Variants in JPH2 observed in about 807,000 individuals in gnomAD.
The protein encoded by JPH2 is junctophilin-2.
JPH2 carries 38 observed loss-of-function variants against 55.9 expected under a neutral mutation model. The ratio of observed to expected loss-of-function variants is 0.68; its 90% CI spans 0.52 to 0.89. JPH2 has a LOEUF of 0.89. Among genes scored for constraint, JPH2 ranks in the 40% least tolerant of loss-of-function variants. The pLI, the probability that JPH2 is intolerant of heterozygous loss-of-function variation, is 0.00. For missense variants in JPH2, 964 were observed against 1,037.6 expected, an observed-to-expected ratio of 0.93 and a Z score of 0.97; for synonymous variants, 480 against 472.4, an observed-to-expected ratio of 1.02 and a Z score of -0.21.
intron 2 of JPH2, among the ~76,000 whole-genome samples, chr20:44,156,617 A>G (rs1422763916): frequency 6.6e-6 from 1 of 152,160 alleles, no homozygotes; most frequent in Non-Finnish European, 1.5e-5. Context: ...GAGGGGAGGA[A>G]GGTTGGATCC....
chr20:44,186,326 C>T lies in JPH2; in HGVS notation c.379+1G>A. On this transcript the variant is annotated splice_donor_variant, in intron 1 of 5. Coordinates refer to ENST00000372980, the MANE Select transcript of JPH2 (RefSeq NM_020433.5). LOFTEE classifies it high-confidence loss of function. ...CTCTGCGGGCCCCCAGCTGGCCTCA[C>T]CTCCATCAGCATAGGTCTCGGTGCC... 6.2e-7 allele frequency: 1 copy of T among 1,610,868 alleles called. No individual in the cohort carries two copies. The highest frequency in any genetic ancestry group is 8.5e-7 in the Non-Finnish European group (1 of 1,179,908).
intron 1 of JPH2, among the ~76,000 whole-genome samples, chr20:44,182,328 A>T (rs1319939125): frequency 6.6e-6 from 1 of 152,096 alleles, no homozygotes; most frequent in African/African-American, 2.4e-5. Context: ...AATTTTGGAG[A>T]GTTACACCTC....
At chr20:44,167,334 A>T (rs1014754) in intron 1 of JPH2, among the ~76,000 whole-genome samples, 69,567 of 152,022 alleles carry the variant, frequency 0.46, 16,161 homozygotes, top group African/African-American at 0.51. Context: ...CATCTAGCAC[A>T]GTTCCCAGGC....
rs587780956 is a variant in JPH2 at position 44,160,145 on chromosome 20, C to T, written c.642G>A (p.Ala214=). The part of the protein sequence containing the change: ...LLANAEAAAR[A]PKGGGLFQRG... ...GCTGGAAGAGGCCGCCGCCCTTGGGCGCCCGCGCGGCCGCCTCGGCATTGG... is the reference window on the plus strand; with the variant it reads ...GCTGGAAGAGGCCGCCGCCCTTGGGTGCCCGCGCGGCCGCCTCGGCATTGG... The change falls in exon 2 of 6, where the codon GCG becomes GCA. Residue 214 remains alanine (A), a synonymous_variant. Transcript: ENST00000372980. This position sits in a 1 kb window ranked among gnomAD's most constrained non-coding sequence, Gnocchi z 4.9. The T allele has an allele frequency of 2.3e-4, 334 of 1,439,436 alleles. 2 individuals are homozygous for T. The African/African-American group carries it at 4.5e-3, about 19-fold the overall frequency. The allele number at this position is 1,439,436 out of a possible 1,614,324, so 89.2% of individuals were successfully genotyped here. A position where few individuals can be genotyped will look rare whatever the true frequency, so the allele number is the denominator to read the frequency against.
In JPH2 at chr20:44,115,971, G is replaced by C; in HGVS notation, c.1704C>G (p.Ser568Arg). The change falls in exon 4 of 6, where the codon AGC becomes AGG. Residue 568 changes from serine to arginine, a missense_variant. Transcript: ENST00000372980. ...PEVALYQGYH[S>R]YAVRTTPPEP... Reference sequence around the variant, plus strand: ...CGGGCGGCGTGGTGCGCACAGCATAGCTGTGGTAGCCCTGGTAAAGCGCCA... The same window carrying C: ...CGGGCGGCGTGGTGCGCACAGCATACCTGTGGTAGCCCTGGTAAAGCGCCA... 1 of 1,576,722 alleles carries C rather than the reference G, an allele frequency of 6.3e-7. No homozygotes were observed. The highest frequency in any genetic ancestry group is 1.3e-5 in the African/African-American group (1 of 74,516).
intron 1 of JPH2, among the ~76,000 whole-genome samples, chr20:44,161,714 G>A (rs1022768205): frequency 3.4e-4 from 52 of 152,086 alleles, no homozygotes; most frequent in Admixed American, 2.9e-3. Flanking sequence ...TGTATGACAA[G>A]CTGATACACA....
chr20:44,182,507 G>A (rs774844652), intron 1 of JPH2, among the ~76,000 whole-genome samples: 1 of 152,154 alleles, frequency 6.6e-6, no homozygotes, highest in Admixed American at 6.5e-5. Flanking sequence ...GACCTGCAAA[G>A]CCTGTGTGAT....
In JPH2 at chr20:44,108,601, C is replaced by G. The variant is rs1488399871; in HGVS notation, c.*4917G>C. Among the ~76,000 whole-genome samples the G allele has an allele frequency of 6.7e-6, 1 of 148,684 alleles. No homozygotes were observed. Among genetic ancestry groups the G allele is most frequent in the Non-Finnish European group, 1.5e-5 (1 of 67,622 alleles). On this transcript the variant is annotated 3_prime_UTR_variant, in exon 6 of 6. Coordinates refer to ENST00000372980, the MANE Select transcript of JPH2 (RefSeq NM_020433.5). ...AGAAGTGACTGTATACCATTGCACT[C>G]CAGCCTGGGTGACAGAATGAGACTC...
chr20:44,154,638 C>T (rs1337021060), intron 2 of JPH2, among the ~76,000 whole-genome samples: 1 of 152,164 alleles, frequency 6.6e-6, no homozygotes, highest in Non-Finnish European at 1.5e-5. Flanking sequence ...AGCTGGAAGC[C>T]ACAATGGAGA....
At position 44,107,757 on chromosome 20, in the gene JPH2, C is replaced by A. The variant is rs6130528; in HGVS notation, c.*5761G>T. On this transcript the variant is annotated 3_prime_UTR_variant, in exon 6 of 6. Transcript: ENST00000372980. ...CAGATAGCCCCTCTCTTAAGGAACT[C>A]AGTCTAGTGGAGAAGCTGTGGATAG... 8.8e-3 allele frequency among the ~76,000 whole-genome samples: 1,337 copies of A among 152,298 alleles called. 50 individuals are homozygous for A. In the East Asian group the frequency reaches 0.12, roughly 14 times the overall value.
chr20:44,129,334 C>A (rs1300938795), intron 2 of JPH2, among the ~76,000 whole-genome samples: 2 of 152,108 alleles, frequency 1.3e-5, no homozygotes, highest in Non-Finnish European at 1.5e-5. Flanking sequence ...GCAGGTGGAT[C>A]ACTTGAGGTC....
intron 2 of JPH2, among the ~76,000 whole-genome samples, chr20:44,128,864 T>C (rs2072295416): frequency 6.6e-6 from 1 of 152,146 alleles, no homozygotes; most frequent in Non-Finnish European, 1.5e-5. Flanking sequence ...CATGGTAGTG[T>C]ATTCCAAGTT....
At position 44,122,885 on chromosome 20, in the gene JPH2, A is replaced by T. The variant is rs144031551; in HGVS notation, c.1170-4262T>A. Among the ~76,000 whole-genome samples the T allele has an allele frequency of 5.3e-4, 80 of 152,338 alleles. 1 individual carries two copies. Among genetic ancestry groups the T allele is most frequent in the African/African-American group, 1.9e-3 (77 of 41,578 alleles). On this transcript the variant is annotated intron_variant, in intron 2 of 5. Transcript: ENST00000372980. ...ACTTTTTAGAGCCACTTCTCTGGGC[A>T]CATGAAACCCCAGGAGGGAGGAGGA...
chr20:44,126,799 C>A (rs6130538), intron 2 of JPH2, among the ~76,000 whole-genome samples: 48,743 of 152,090 alleles, frequency 0.32, 7,902 homozygotes, highest in East Asian at 0.46. Context: ...GCAGTGCCCT[C>A]CTGGGAAGCC....
chr20:44,161,040 C>T (rs1382225037), intron 1 of JPH2, among the ~76,000 whole-genome samples: 3 of 152,146 alleles, frequency 2.0e-5, no homozygotes, highest in Admixed American at 2.0e-4. Flanking sequence ...TGTGCCACTG[C>T]ACTCCAGCCT....
intron 2 of JPH2, among the ~76,000 whole-genome samples, chr20:44,131,457 C>CTTT (rs1569190285): frequency 6.6e-6 from 1 of 152,102 alleles, no homozygotes; most frequent in African/African-American, 2.4e-5. Flanking sequence ...AGACAACAAA[C>CTTT]GTGTGTTGTT....
chr20:44,127,426 A>T (rs567731827), intron 2 of JPH2, among the ~76,000 whole-genome samples: 5 of 151,476 alleles, frequency 3.3e-5, no homozygotes, highest in Admixed American at 6.6e-5. Context: ...ATTATGTTCC[A>T]TTGGTAATAC....
intron 2 of JPH2, among the ~76,000 whole-genome samples, chr20:44,148,321 C>A (rs367643833): frequency 2.1e-4 from 32 of 152,338 alleles, no homozygotes; most frequent in African/African-American, 7.5e-4. Context: ...TATCCCAGAT[C>A]TCCTGGGATT....
At chr20:44,157,490 G>C (rs1213370011) in intron 2 of JPH2, among the ~76,000 whole-genome samples, 19 of 152,160 alleles carry the variant, frequency 1.2e-4, no homozygotes, top group Admixed American at 1.2e-3. Flanking sequence ...TGTTGATCCA[G>C]AGGGTGCTCC....
Sources: allele counts gnomAD v4.1 joint callset (sites outside exome capture counted in the v4.1 genomes callset), GRCh38; gene constraint gnomAD v4.1.1; non-coding constraint Gnocchi (gnomAD v3.1); transcripts MANE v1.5; gene names NCBI Gene and HGNC (gene_info 2026-07-23, HGNC 2026-07-21).